The following VPS13B variants were observed in gnomAD, a reference collection of about 807,000 sequenced individuals.
VPS13B encodes the protein vacuolar protein sorting 13 homolog B.
VPS13B carries 285 observed loss-of-function variants against 426.4 expected under a neutral mutation model. The observed-to-expected ratio is 0.67, with a 90% confidence interval of 0.61 to 0.74. The LOEUF (loss-of-function observed/expected upper bound fraction) is 0.74. Among genes scored for constraint, VPS13B ranks in the 30% least tolerant of loss-of-function variants. The probability of loss-of-function intolerance (pLI) is 0.00; values close to 1 mark genes in which losing one functional copy is unlikely to be tolerated. For synonymous variants in VPS13B, 1,676 were observed against 1,676.4 expected (o/e 1.00, Z 0.01); for missense variants, 4,537 against 4,782.6 (o/e 0.95, Z 1.51).
Position 99,859,523 on chromosome 8 carries a change from CTTTT to C in VPS13B, c.11044+55_11044+58del, listed in dbSNP as rs10710929. 3.8e-4 allele frequency: 557 copies of C among 1,474,358 alleles called. 6 individuals carry two copies. In the Admixed American group the frequency reaches 1.0e-2, roughly 26 times the overall value. The allele number at this position is 1,474,358 out of a possible 1,614,324, so 91.3% of individuals were successfully genotyped here. ...TTGTAATAATGCCTTCACTCCTTCC[CTTTT>C]TTTTTTTTTTTAAAGAATGTGCTAA... On this transcript the variant is annotated intron_variant, in intron 57 of 61. Transcript: ENST00000357162.
chr8:99,759,215 C>T (rs904421868), intron 39 of VPS13B, among the ~76,000 whole-genome samples: 1 of 152,130 alleles, frequency 6.6e-6, no homozygotes. Context: ...ACTACTCACT[C>T]CCATGCACAA....
intron 58 of VPS13B, among the ~76,000 whole-genome samples, chr8:99,865,333 AC>A (rs1195888180): frequency 5.9e-5 from 9 of 152,184 alleles, no homozygotes; most frequent in African/African-American, 1.9e-4. Flanking sequence ...TCTCATGAAC[AC>A]CAAAGCTAGG....
At chr8:99,572,381 T>C (rs1477983965) in intron 31 of VPS13B, among the ~76,000 whole-genome samples, 3 of 152,186 alleles carry the variant, frequency 2.0e-5, no homozygotes, top group South Asian at 2.1e-4. Flanking sequence ...TACATATGTA[T>C]ACATGTGCCA....
chr8:99,429,244 A>G (rs1409191788), intron 21 of VPS13B, among the ~76,000 whole-genome samples: 3 of 151,756 alleles, frequency 2.0e-5, no homozygotes, highest in African/African-American at 7.3e-5. Context: ...ACAAACCTGC[A>G]CGTTGTGCAC....
chr8:99,551,434 G>A (rs1195467209), intron 30 of VPS13B, among the ~76,000 whole-genome samples: 1 of 151,962 alleles, frequency 6.6e-6, no homozygotes, highest in African/African-American at 2.4e-5. Flanking sequence ...AATGCAATCT[G>A]ACAGTTCTTA....
chr8:99,580,364 C>A (rs1021572936), intron 33 of VPS13B, among the ~76,000 whole-genome samples: 3 of 147,264 alleles, frequency 2.0e-5, no homozygotes, highest in Admixed American at 6.8e-5. Flanking sequence ...CTTTTCTTTT[C>A]TTTTGTTTAG....
At chr8:99,519,261 C>T (rs1446061689) in intron 29 of VPS13B, among the ~76,000 whole-genome samples, 5 of 152,148 alleles carry the variant, frequency 3.3e-5, no homozygotes, top group African/African-American at 4.8e-5. Flanking sequence ...GATACCATCT[C>T]ACACCAGTTA....
chr8:99,523,579 C>T (rs1021543108), intron 30 of VPS13B, among the ~76,000 whole-genome samples: 2 of 152,172 alleles, frequency 1.3e-5, no homozygotes, highest in African/African-American at 2.4e-5. Flanking sequence ...AGAGTCTTTG[C>T]CTGGTAATTC....
chr8:99,772,461 G>A (rs1349247525), intron 40 of VPS13B, among the ~76,000 whole-genome samples: 2 of 152,100 alleles, frequency 1.3e-5, no homozygotes, highest in African/African-American at 2.4e-5. Context: ...GGGCTGTGGG[G>A]AGGGGAGAGT....
intron 33 of VPS13B, among the ~76,000 whole-genome samples, chr8:99,639,701 A>T (rs1829230359): frequency 6.7e-6 from 1 of 148,788 alleles, no homozygotes. Context: ...AATCAAATTA[A>T]GGAGTTTTTA....
chr8:99,819,379 T>C (rs1249326015), intron 47 of VPS13B, 33 bp from the exon 48 acceptor site: 1 of 1,609,038 alleles, frequency 6.2e-7, no homozygotes, highest in South Asian at 1.1e-5. Flanking sequence ...AGAAATCTGA[T>C]AATTATTCTT....
intron 29 of VPS13B, among the ~76,000 whole-genome samples, chr8:99,517,878 G>A (rs909195620): frequency 1.3e-5 from 2 of 151,382 alleles, no homozygotes; most frequent in Admixed American, 6.6e-5. Context: ...AGTAACTGAA[G>A]AAATGACTCA....
At chr8:99,696,630 C>G (rs1832015667) in intron 35 of VPS13B, 3 of 685,282 alleles carry the variant, frequency 4.4e-6, no homozygotes, top group Non-Finnish European at 8.3e-6. Flanking sequence ...TCGGGTCAAC[C>G]TGGAGCTGGC....
intron 3 of VPS13B, among the ~76,000 whole-genome samples, chr8:99,066,951 T>G (rs1025235632): frequency 3.9e-5 from 6 of 152,190 alleles, no homozygotes; most frequent in African/African-American, 1.4e-4. Flanking sequence ...AGATACCATC[T>G]CACACCAGTT....
chr8:99,872,379 A>G (rs191396888), intron 61 of VPS13B, among the ~76,000 whole-genome samples: 2 of 152,264 alleles, frequency 1.3e-5, no homozygotes, highest in South Asian at 2.1e-4. Flanking sequence ...CCACCCCCTG[A>G]GTACCACAGA....
At chr8:99,184,229 T>C (rs1813093455) in intron 16 of VPS13B, among the ~76,000 whole-genome samples, 1 of 152,216 alleles carries the variant, frequency 6.6e-6, no homozygotes, top group Non-Finnish European at 1.5e-5. Flanking sequence ...TTCTCTTGGG[T>C]AGATACCTAC....
At chr8:99,484,124 C>T (rs192240911) in intron 25 of VPS13B, among the ~76,000 whole-genome samples, 7 of 151,812 alleles carry the variant, frequency 4.6e-5, no homozygotes, top group Admixed American at 3.9e-4. Flanking sequence ...TATAATAATA[C>T]ATACTAGAAG....
chr8:99,342,245 G>A (rs181478658), intron 19 of VPS13B, among the ~76,000 whole-genome samples: 234 of 152,132 alleles, frequency 1.5e-3, no homozygotes, highest in Non-Finnish European at 2.9e-3. Context: ...CCTTTTTCAT[G>A]GTGAGACATT....
At chr8:99,597,869 C>T (rs1827096577) in intron 33 of VPS13B, among the ~76,000 whole-genome samples, 1 of 151,956 alleles carries the variant, frequency 6.6e-6, no homozygotes, top group Non-Finnish European at 1.5e-5. Context: ...GATGATAAAA[C>T]CCAGGGAAAA....
Sources: allele counts gnomAD v4.1 joint callset (sites outside exome capture counted in the v4.1 genomes callset), GRCh38; gene constraint gnomAD v4.1.1; transcripts MANE v1.5; gene names NCBI Gene and HGNC (gene_info 2026-07-23, HGNC 2026-07-21).